The following KLK9 variants were observed in gnomAD, a reference collection of about 807,000 sequenced individuals.
The protein encoded by KLK9 is kallikrein-9.
Under a neutral mutation model 23.3 loss-of-function variants are expected in KLK9, and 26 were observed. The observed-to-expected ratio is 1.12, with a 90% CI of 0.82 to 1.55. The LOEUF is 1.55. KLK9 is among the 40% of genes most tolerant of loss of function. The pLI is 0.00. For synonymous variants in KLK9, 122 were observed against 128.5 expected (o/e 0.95, Z 0.34); for missense variants, 346 against 333.7 (o/e 1.04, Z -0.29).
Position 51,003,238 on chromosome 19 carries a change from A to G in KLK9, c.626T>C (p.Val209Ala). Reference protein sequence around the residue: ...SCQGDSGGPLVCNGTLAGVVS... With the variant: ...SCQGDSGGPLACNGTLAGVVS... ...CACGCCTGCCAAGGTTCCATTGCAAACCAGGGGGCCCCCAGAGTCACCCTG... is the reference window on the plus strand; with the variant it reads ...CACGCCTGCCAAGGTTCCATTGCAAGCCAGGGGGCCCCCAGAGTCACCCTG... The change falls in exon 5 of 5, where the codon GTT becomes GCT. Residue 209 changes from valine to alanine, a missense_variant. By Grantham distance (64) the Val-to-Ala change is moderately conservative (BLOSUM62 0). Coordinates refer to ENST00000594211, the MANE Select transcript of KLK9 (RefSeq NM_012315.2). 6.2e-7 allele frequency: 1 copy of G among 1,612,948 alleles called. No individual in the cohort carries two copies. Among genetic ancestry groups the G allele is most frequent in the Non-Finnish European group, 8.5e-7 (1 of 1,179,648 alleles).
In KLK9 at chr19:51,006,888, C is replaced by T. The variant is rs1228945023; in HGVS notation, c.201-165G>A. On this transcript the variant is annotated intron_variant, in intron 2 of 4. Coordinates refer to ENST00000594211, the MANE Select transcript of KLK9 (RefSeq NM_012315.2). This position sits in a 1 kb window ranked among gnomAD's most constrained non-coding sequence, Gnocchi z 4.1. ...TGGCCCAGGGTACTGTGATTTTAAG[C>T]GAGGCACACACCTCCTCTGGGTCCC... Among the ~76,000 whole-genome samples, 4 of 151,806 alleles carry T rather than the reference C, an allele frequency of 2.6e-5. No individual in the cohort carries two copies. Among genetic ancestry groups the T allele is most frequent in the African/African-American group, 7.3e-5 (3 of 41,374 alleles).
At chr19:51,004,940 A>T (rs2091250178) in intron 3 of KLK9, among the ~76,000 whole-genome samples, 1 of 152,146 alleles carries the variant, frequency 6.6e-6, no homozygotes, top group South Asian at 2.1e-4. Context: ...TGATAAACAG[A>T]ATTGGTAAAC....
chr19:51,004,236 A>C (rs920054082), intron 3 of KLK9, among the ~76,000 whole-genome samples: 1 of 147,436 alleles, frequency 6.8e-6, no homozygotes, highest in South Asian at 2.3e-4. Context: ...GCTACTCGGG[A>C]GGCTGAGGCA....
In KLK9 at chr19:51,006,477, C is replaced by T. The variant is rs1257654937; in HGVS notation, c.447G>A (p.Gly149=). ...PGMQCLISGW[G]AVSSPKALFP... is the part of the protein sequence containing the mutation. The stretch of plus-strand genomic sequence containing the variant: ...TCATACCCTTGGGGCTGGACACGGC[C>T]CCCCAGCCTGAGATGAGACACTGCA... The change falls in exon 3 of 5, where the codon GGG becomes GGA. Residue 149 remains glycine (G), a synonymous_variant. Coordinates refer to ENST00000594211, the MANE Select transcript of KLK9 (RefSeq NM_012315.2). This position sits in a 1 kb window ranked among gnomAD's most constrained non-coding sequence, Gnocchi z 4.1. The T allele has an allele frequency of 6.2e-7, 1 of 1,611,626 alleles. No homozygotes were observed. Among genetic ancestry groups the T allele is most frequent in the South Asian group, 1.1e-5 (1 of 90,898 alleles).
chr19:51,008,101 C>T (rs145362867), intron 2 of KLK9, among the ~76,000 whole-genome samples: 1,697 of 146,976 alleles, frequency 0.012, 30 homozygotes, highest in African/African-American at 0.04. Flanking sequence ...GAGGCCGAGG[C>T]GGGCAGATCA....
Position 51,003,016 on chromosome 19 carries a change from G to T in KLK9, c.*95C>A. Reference sequence around the variant, plus strand: ...GAGTCAGGGCAGCTGGAGGTCCAGGGCGGGAACCATTGAGGCTGGGACCCT... The same window carrying T: ...GAGTCAGGGCAGCTGGAGGTCCAGGTCGGGAACCATTGAGGCTGGGACCCT... On this transcript the variant is annotated 3_prime_UTR_variant, in exon 5 of 5. Coordinates refer to ENST00000594211, the MANE Select transcript of KLK9 (RefSeq NM_012315.2). 2 of 1,429,372 alleles carry T rather than the reference G, an allele frequency of 1.4e-6. No homozygotes were observed. Among genetic ancestry groups the T allele is most frequent in the Non-Finnish European group, 9.4e-7 (1 of 1,065,064 alleles). The allele number at this position is 1,429,372 out of a possible 1,614,324, so 88.5% of individuals were successfully genotyped here. A position where few individuals can be genotyped will look rare whatever the true frequency, so the allele number is the denominator to read the frequency against.
rs2122370413 is a variant in KLK9, at chr19:51,009,167, A to G, written c.200+16T>C. 6.2e-7 allele frequency: 1 copy of G among 1,603,366 alleles called. No individual in the cohort carries two copies. The highest frequency in any genetic ancestry group is 1.1e-5 in the South Asian group (1 of 89,032). ...GCCTCTGTCCCTCCCCAGCATGGCC[A>G]GCCTGGGTCACTCACGGCTTGCGGC... On this transcript the variant is annotated intron_variant, in intron 2 of 4. Coordinates refer to ENST00000594211, the MANE Select transcript of KLK9 (RefSeq NM_012315.2). The surrounding 1 kb of genome is among the most constrained non-coding windows in gnomAD (Gnocchi z 4.8).
chr19:51,006,747 C>G lies in KLK9; in HGVS notation c.201-24G>C, dbSNP rs2091257314. The G allele has an allele frequency of 6.5e-7, 1 of 1,540,538 alleles. No homozygotes were observed. The highest frequency in any genetic ancestry group is 2.3e-5 in the East Asian group (1 of 44,170). Reference sequence around the variant, plus strand: ...ACCTGCTGGGACAGGCCTCAGAGGTCAAGCTGGGGGAAAGGTAAAAGTCCT... The same window carrying G: ...ACCTGCTGGGACAGGCCTCAGAGGTGAAGCTGGGGGAAAGGTAAAAGTCCT... On this transcript the variant is annotated intron_variant, in intron 2 of 4. Transcript: ENST00000594211. The surrounding 1 kb of genome is among the most constrained non-coding windows in gnomAD (Gnocchi z 4.1).
chr19:51,009,304 C>T lies in KLK9; in HGVS notation c.79G>A (p.Glu27Lys), dbSNP rs1311860048. The change falls in exon 2 of 5, where the codon GAG becomes AAG. Residue 27 changes from glutamate to lysine, a missense_variant. Glu to Lys is a moderately conservative substitution (Grantham distance 56). Coordinates refer to ENST00000594211, the MANE Select transcript of KLK9 (RefSeq NM_012315.2). The surrounding 1 kb of genome is among the most constrained non-coding windows in gnomAD (Gnocchi z 4.8). ...GWADTRAIGA[E>K]ECRPNSQPWQ... ...GGCTGGGAGTTGGGGCGACATTCCTCGGCCCCGATGGCACGGGTGTCTGCC... is the reference window on the plus strand; with the variant it reads ...GGCTGGGAGTTGGGGCGACATTCCTTGGCCCCGATGGCACGGGTGTCTGCC... 11 of 1,595,738 alleles carry T rather than the reference C, an allele frequency of 6.9e-6. No individual in the cohort carries two copies. The highest frequency in any genetic ancestry group is 5.2e-5 in the Admixed American group (3 of 57,568).
intron 3 of KLK9, among the ~76,000 whole-genome samples, chr19:51,005,630 T>C (rs10401205): frequency 0.011 from 1,612 of 150,872 alleles, 40 homozygotes; most frequent in African/African-American, 0.036. Flanking sequence ...TCTCAGATTC[T>C]GACACACTAG....
In KLK9 at chr19:51,009,338, C is replaced by T. The variant is rs746847427; in HGVS notation, c.45G>A (p.Gly15=). The T allele has an allele frequency of 1.9e-6, 3 of 1,578,548 alleles. No homozygotes were observed. The highest frequency in any genetic ancestry group is 2.6e-6 in the Non-Finnish European group (3 of 1,161,582). Residue 15 remains glycine, a splice_region_variant and synonymous_variant, in exon 2 of 5, where the codon GGG becomes GGA. Coordinates refer to ENST00000594211, the MANE Select transcript of KLK9 (RefSeq NM_012315.2). This position sits in a 1 kb window ranked among gnomAD's most constrained non-coding sequence, Gnocchi z 4.8. The stretch of plus-strand genomic sequence containing the variant: ...TGGCACGGGTGTCTGCCCAGCCATG[C>T]CCTGGGGTGGGGATGAGGGACAAAG... ...LLCALLSLLA[G]HGWADTRAIG...
In KLK9 at chr19:51,003,236, A is replaced by G; in HGVS notation, c.628T>C (p.Cys210Arg). 1 of 1,612,930 alleles carries G rather than the reference A, an allele frequency of 6.2e-7. No individual in the cohort carries two copies. The highest frequency in any genetic ancestry group is 1.1e-5 in the South Asian group (1 of 90,924). ...CQGDSGGPLV[C>R]NGTLAGVVSG... ...ACCACGCCTGCCAAGGTTCCATTGC[A>G]AACCAGGGGGCCCCCAGAGTCACCC... The change falls in exon 5 of 5, where the codon TGC (cysteine) becomes CGC (arginine). Residue 210 changes from cysteine (C) to arginine (R), a missense_variant. Coordinates refer to ENST00000594211, the MANE Select transcript of KLK9 (RefSeq NM_012315.2).
At position 51,003,044 on chromosome 19, in the gene KLK9, G is replaced by C; in HGVS notation, c.*67C>G. ...GGAACCATTGAGGCTGGGACCCTAC[G>C]AGAACCCCCTACCCCGTGCCCTTCG... On this transcript the variant is annotated 3_prime_UTR_variant, in exon 5 of 5. Transcript: ENST00000594211. 6.5e-7 allele frequency: 1 copy of C among 1,528,802 alleles called. No individual in the cohort carries two copies. Among genetic ancestry groups the C allele is most frequent in the South Asian group, 1.3e-5 (1 of 78,576 alleles). 94.7% of individuals were successfully genotyped at this position (1,528,802 alleles called of 1,614,324 possible). A position where few individuals can be genotyped will look rare whatever the true frequency, so the allele number is the denominator to read the frequency against.
chr19:51,003,048 A>G lies in KLK9; in HGVS notation c.*63T>C. 2 of 1,530,832 alleles carry G rather than the reference A, an allele frequency of 1.3e-6. No individual in the cohort carries two copies. Among genetic ancestry groups the G allele is most frequent in the Non-Finnish European group, 1.8e-6 (2 of 1,136,036 alleles). 94.8% of individuals were successfully genotyped at this position (1,530,832 alleles called of 1,614,324 possible). On this transcript the variant is annotated 3_prime_UTR_variant, in exon 5 of 5. Transcript: ENST00000594211. ...CCATTGAGGCTGGGACCCTACGAGA[A>G]CCCCCTACCCCGTGCCCTTCGGCCT...
At position 51,003,843 on chromosome 19, in the gene KLK9, G is replaced by A. The variant is rs1333521872; in HGVS notation, c.467-3C>T. On this transcript the variant is annotated splice_polypyrimidine_tract_variant and splice_region_variant and intron_variant, in intron 3 of 4. Transcript: ENST00000594211. ...CTGCAGTGTGACTGGAAACAGCGCTGTCAGGGAAGAGAACTGTCAAGGATC... is the reference window on the plus strand; with the variant it reads ...CTGCAGTGTGACTGGAAACAGCGCTATCAGGGAAGAGAACTGTCAAGGATC... 1.9e-6 allele frequency: 3 copies of A among 1,613,496 alleles called. No individual in the cohort carries two copies. The Admixed American group carries it at 5.0e-5, about 27-fold the overall frequency.
chr19:51,006,677 C>T lies in KLK9; in HGVS notation c.247G>A (p.Gly83Ser). 6.2e-7 allele frequency: 1 copy of T among 1,608,412 alleles called. No homozygotes were observed. Among genetic ancestry groups the T allele is most frequent in the Non-Finnish European group, 8.5e-7 (1 of 1,176,826 alleles). ...GTAACCCGGAACAGCTGCTCCGGAC[C>T]CTCCCATTTCCAGAGGTGGTGCTCT... ...LGEHHLWKWEGPEQLFRVTDF... is the reference protein window; with the variant it reads ...LGEHHLWKWESPEQLFRVTDF... The change falls in exon 3 of 5, where the codon GGT becomes AGT. Residue 83 changes from glycine to serine, a missense_variant. Transcript: ENST00000594211. This position sits in a 1 kb window ranked among gnomAD's most constrained non-coding sequence, Gnocchi z 4.1.
chr19:51,006,806 G>T lies in KLK9; in HGVS notation c.201-83C>A. Reference sequence around the variant, plus strand: ...CAGCCCTCTTTTCCTGTCCATCAGGGTGCTGTGTGACCCTCTGCAAGCCAC... The same window carrying T: ...CAGCCCTCTTTTCCTGTCCATCAGGTTGCTGTGTGACCCTCTGCAAGCCAC... On this transcript the variant is annotated intron_variant, in intron 2 of 4. Transcript: ENST00000594211. This position sits in a 1 kb window ranked among gnomAD's most constrained non-coding sequence, Gnocchi z 4.1. 2 of 1,413,870 alleles carry T rather than the reference G, an allele frequency of 1.4e-6. No individual in the cohort carries two copies. Among genetic ancestry groups the T allele is most frequent in the East Asian group, 2.5e-5 (1 of 39,934 alleles). 87.6% of individuals were successfully genotyped at this position (1,413,870 alleles called of 1,614,324 possible).
In KLK9 at chr19:51,006,333, C is replaced by T. The variant is rs559306074; in HGVS notation, c.466+125G>A. On this transcript the variant is annotated intron_variant, in intron 3 of 4. Coordinates refer to ENST00000594211, the MANE Select transcript of KLK9 (RefSeq NM_012315.2). This position sits in a 1 kb window ranked among gnomAD's most constrained non-coding sequence, Gnocchi z 4.1. ...GCATCTTATATTTGGTTAAATATAT[C>T]GATTGGCAGATAGATAGACTGACAG... The T allele has an allele frequency of 8.5e-6, 8 of 944,720 alleles. No homozygotes were observed. Among genetic ancestry groups the T allele is most frequent in the East Asian group, 8.1e-5 (3 of 36,812 alleles). 58.5% of individuals were successfully genotyped at this position (944,720 alleles called of 1,614,324 possible). A position where few individuals can be genotyped will look rare whatever the true frequency, so the allele number is the denominator to read the frequency against.
chr19:51,006,828 C>A lies in KLK9; in HGVS notation c.201-105G>T, dbSNP rs1038303637. The A allele has an allele frequency of 2.2e-5, 27 of 1,224,094 alleles. No individual in the cohort carries two copies. The African/African-American group carries it at 3.7e-4, about 17-fold the overall frequency. 75.8% of individuals were successfully genotyped at this position (1,224,094 alleles called of 1,614,324 possible). ...AGGGTGCTGTGTGACCCTCTGCAAG[C>A]CACACACCCTCTCTGCACCCTCATC... On this transcript the variant is annotated intron_variant, in intron 2 of 4. Transcript: ENST00000594211. This position sits in a 1 kb window ranked among gnomAD's most constrained non-coding sequence, Gnocchi z 4.1.
Sources: allele counts gnomAD v4.1 joint callset (sites outside exome capture counted in the v4.1 genomes callset), GRCh38; gene constraint gnomAD v4.1.1; non-coding constraint Gnocchi (gnomAD v3.1); transcripts MANE v1.5; gene names NCBI Gene and HGNC (gene_info 2026-07-23, HGNC 2026-07-21).